The following ARHGAP44 variants were observed in gnomAD, a reference collection of about 807,000 sequenced individuals.
The protein encoded by ARHGAP44 is Rho GTPase activating protein 44.
A neutral mutation model predicts 106.8 loss-of-function variants in ARHGAP44; 43 were observed. The observed-to-expected ratio is 0.40, with a 90% CI of 0.32 to 0.52. The LOEUF is 0.52. Ranked by LOEUF, ARHGAP44 falls within the 20% of genes least tolerant of loss-of-function variation. The probability of loss-of-function intolerance (pLI) is 0.48; values close to 1 mark genes in which losing one functional copy is unlikely to be tolerated. For missense variants in ARHGAP44, 866 were observed against 1,050.5 expected (o/e 0.82, Z 2.43); for synonymous variants, 439 against 410.3 (o/e 1.07, Z -0.85).
chr17:12,889,279 T>C (rs1455077498), intron 1 of ARHGAP44, among the ~76,000 whole-genome samples: 2 of 152,234 alleles, frequency 1.3e-5, no homozygotes, highest in Non-Finnish European at 2.9e-5. Flanking sequence ...TCTAACAGAA[T>C]GCCACATTCT....
chr17:12,838,466 A>G (rs746317711), intron 1 of ARHGAP44, among the ~76,000 whole-genome samples: 20 of 152,170 alleles, frequency 1.3e-4, no homozygotes, highest in Non-Finnish European at 2.2e-4. Context: ...TTAGCCTCTG[A>G]CTGACTGATT....
intron 17 of ARHGAP44, chr17:12,973,651 C>CCCCA (rs2039585490): frequency 4.1e-6 from 2 of 486,426 alleles, no homozygotes; most frequent in Middle Eastern, 5.4e-4. Context: ...TCCACGCTCC[C>CCCCA]CCCTTCGCTG....
intron 16 of ARHGAP44, among the ~76,000 whole-genome samples, chr17:12,968,546 G>T (rs1469947291): frequency 6.6e-6 from 1 of 151,104 alleles, no homozygotes; most frequent in South Asian, 2.1e-4. Flanking sequence ...GGGTTTGCAG[G>T]CATCCCCTCT....
At chr17:12,878,159 G>A (rs2036614971) in intron 1 of ARHGAP44, among the ~76,000 whole-genome samples, 1 of 152,094 alleles carries the variant, frequency 6.6e-6, no homozygotes, top group Admixed American at 6.6e-5. Flanking sequence ...CCTTTAATAT[G>A]GTAGTGGGAT....
chr17:12,815,429 C>T (rs936153270), intron 1 of ARHGAP44, among the ~76,000 whole-genome samples: 16 of 151,906 alleles, frequency 1.1e-4, no homozygotes, highest in African/African-American at 3.1e-4. Flanking sequence ...AGGCTGGAAG[C>T]GTGAATAATA....
chr17:12,837,670 G>A (rs972530587), intron 1 of ARHGAP44, among the ~76,000 whole-genome samples: 3 of 151,874 alleles, frequency 2.0e-5, no homozygotes, highest in Non-Finnish European at 2.9e-5. Flanking sequence ...TGGTGAATGC[G>A]CAAGGCTTTG....
chr17:12,990,149 A>C lies in ARHGAP44; in HGVS notation c.2435A>C (p.Glu812Ala), dbSNP rs750288672. ...SVTDKRDSEE[E>A]SESTAL ...ACTGACAAGAGGGACTCGGAGGAGG[A>C]GTCTGAGAGCACCGCCCTCTGACAT... Residue 812 changes from glutamate to alanine, a missense_variant, in exon 21 of 21, where the codon GAG becomes GCG. By Grantham distance (107) the Glu-to-Ala change is moderately radical (BLOSUM62 -1). Transcript: ENST00000379672. 4 of 1,612,856 alleles carry C rather than the reference A, an allele frequency of 2.5e-6. No individual in the cohort carries two copies. Among genetic ancestry groups the C allele is most frequent in the South Asian group, 1.1e-5 (1 of 91,070 alleles).
Position 12,824,638 on chromosome 17 carries a change from A to G in ARHGAP44, c.53+34747A>G, listed in dbSNP as rs556413992. Among the ~76,000 whole-genome samples, 10 of 152,200 alleles carry G rather than the reference A, an allele frequency of 6.6e-5. No homozygotes were observed. The South Asian group carries it at 2.1e-3, about 32-fold the overall frequency. On this transcript the variant is annotated intron_variant, in intron 1 of 20. Transcript: ENST00000379672. ...AACACAGTAGCCAGAGTTGTCTTCAATACAAGTCTGATGCCATCCCCAGGA... is the reference window on the plus strand; with the variant it reads ...AACACAGTAGCCAGAGTTGTCTTCAGTACAAGTCTGATGCCATCCCCAGGA...
At position 12,789,501 on chromosome 17, in the gene ARHGAP44, C is replaced by T. The variant is rs1252008041; in HGVS notation, c.-338C>T. ...GGGACCGCCGGGCCAGCCGGCCAGC[C>T]AGCCTGCGGAGACTCCCGGGTCCCC... is the stretch of plus-strand genomic sequence containing the variant. On this transcript the variant is annotated 5_prime_UTR_variant, in exon 1 of 21. Coordinates refer to ENST00000379672, the MANE Select transcript of ARHGAP44 (RefSeq NM_014859.6). 1 of 175,746 alleles carries T rather than the reference C, an allele frequency of 5.7e-6. No individual in the cohort carries two copies. The highest frequency in any genetic ancestry group is 1.5e-4 in the East Asian group (1 of 6,648). The allele number at this position is 175,746 out of a possible 1,614,324, so 10.9% of individuals were successfully genotyped here.
chr17:12,984,398 G>A (rs111948004), intron 19 of ARHGAP44, 133 bp from the exon 20 acceptor site: 12,720 of 927,166 alleles, frequency 0.014, 133 homozygotes, highest in Non-Finnish European at 0.016. Flanking sequence ...GGCAGGGCAG[G>A]GAGGTGTGGG....
chr17:12,944,335 A>G (rs2038792001), intron 10 of ARHGAP44, 139 bp downstream of exon 10: 4 of 1,088,998 alleles, frequency 3.7e-6, no homozygotes, highest in Admixed American at 7.2e-5. Flanking sequence ...GCTCAGACCC[A>G]TCTTCTGCAG....
intron 7 of ARHGAP44, among the ~76,000 whole-genome samples, chr17:12,931,567 G>A (rs1368303696): frequency 6.6e-6 from 1 of 151,540 alleles, no homozygotes; most frequent in Admixed American, 6.6e-5. Flanking sequence ...CGGGATCTCC[G>A]CTCACTGCAA....
chr17:12,937,566 C>T (rs112001922), intron 7 of ARHGAP44, among the ~76,000 whole-genome samples: 2,584 of 152,248 alleles, frequency 0.017, 37 homozygotes, highest in Non-Finnish European at 0.027. Context: ...GCCTGTGTCT[C>T]CAATTTTCAG....
At chr17:12,825,900 C>T (rs1302675302) in intron 1 of ARHGAP44, among the ~76,000 whole-genome samples, 1 of 152,122 alleles carries the variant, frequency 6.6e-6, no homozygotes, top group Non-Finnish European at 1.5e-5. Context: ...GATTTGAGAG[C>T]GTTAACTTTC....
At chr17:12,888,781 G>C (rs907157926) in intron 1 of ARHGAP44, among the ~76,000 whole-genome samples, 4 of 151,966 alleles carry the variant, frequency 2.6e-5, no homozygotes, top group Admixed American at 1.3e-4. Flanking sequence ...TTTTTTGGTG[G>C]ATATACACTT....
chr17:12,831,636 C>T (rs1300093415), intron 1 of ARHGAP44, among the ~76,000 whole-genome samples: 3 of 152,144 alleles, frequency 2.0e-5, no homozygotes, highest in East Asian at 1.9e-4. Context: ...AGGCCCTGTT[C>T]TTTCTGATGA....
At chr17:12,961,539 A>G (rs1379530536) in intron 16 of ARHGAP44, among the ~76,000 whole-genome samples, 1 of 152,214 alleles carries the variant, frequency 6.6e-6, no homozygotes, top group Non-Finnish European at 1.5e-5. Flanking sequence ...GTTCGAGACC[A>G]GCCTGACCAA....
chr17:12,834,809 A>AT (rs2035188679), intron 1 of ARHGAP44, among the ~76,000 whole-genome samples: 1 of 152,130 alleles, frequency 6.6e-6, no homozygotes, highest in Non-Finnish European at 1.5e-5. Context: ...TAAACAACAC[A>AT]TTTTTTGTTT....
intron 1 of ARHGAP44, among the ~76,000 whole-genome samples, chr17:12,811,778 A>G (rs2034448326): frequency 6.6e-6 from 1 of 152,144 alleles, no homozygotes; most frequent in African/African-American, 2.4e-5. Flanking sequence ...AGCAATCCTT[A>G]GTTTTGTTTG....
Sources: gnomAD v4.1 joint callset for allele counts (sites outside exome capture counted in the v4.1 genomes callset) on GRCh38, gnomAD v4.1.1 for gene constraint, MANE v1.5 for transcripts, NCBI Gene and HGNC (gene_info 2026-07-23, HGNC 2026-07-21) for gene names.